The following PRKD1 variants were observed in gnomAD, a reference collection of about 807,000 sequenced individuals.
PRKD1 encodes the protein serine/threonine-protein kinase D1.
A neutral mutation model predicts 95.9 loss-of-function variants in PRKD1; 63 were observed. That is an observed-to-expected ratio of 0.66 (90% CI 0.54 to 0.81). PRKD1 has a LOEUF of 0.81. Among genes scored for constraint, PRKD1 ranks in the 30% least tolerant of loss-of-function variants. The pLI is 0.00. For synonymous variants in PRKD1, 425 were observed against 423.1 expected (o/e 1.00, Z -0.05); for missense variants, 1,048 against 1,165.3 (o/e 0.90, Z 1.47).
rs530557203 is a variant in PRKD1 at position 29,585,878 on chromosome 14, T to C, written c.2435-7518A>G. Among the ~76,000 whole-genome samples, 27 of 152,364 alleles carry C rather than the reference T, an allele frequency of 1.8e-4. No individual in the cohort carries two copies. The South Asian group carries it at 5.6e-3, about 32-fold the overall frequency. On this transcript the variant is annotated intron_variant, in intron 16 of 17. Transcript: ENST00000331968. ...TCAAGTGAAAATCCTTAGGAGAGGA[T>C]ATTGATATTTGTATCAATATTTGCA...
At chr14:29,700,527 T>C (rs923054049) in intron 2 of PRKD1, among the ~76,000 whole-genome samples, 1 of 152,244 alleles carries the variant, frequency 6.6e-6, no homozygotes, top group Admixed American at 6.5e-5. Flanking sequence ...AAAAGAAAGT[T>C]ACCTCTGGAG....
At chr14:29,715,739 C>T (rs571236639) in intron 2 of PRKD1, among the ~76,000 whole-genome samples, 34 of 152,206 alleles carry the variant, frequency 2.2e-4, no homozygotes, top group African/African-American at 7.5e-4. Flanking sequence ...ACTGTAATTG[C>T]CTAAAACATT....
chr14:29,802,244 T>C (rs1290924121), intron 1 of PRKD1, among the ~76,000 whole-genome samples: 5 of 152,140 alleles, frequency 3.3e-5, no homozygotes, highest in African/African-American at 4.8e-5. Context: ...TCCCAGCTTT[T>C]AAGAAATTTA....
At chr14:29,695,669 A>G (rs932230173) in intron 2 of PRKD1, among the ~76,000 whole-genome samples, 1 of 152,240 alleles carries the variant, frequency 6.6e-6, no homozygotes, top group Non-Finnish European at 1.5e-5. Context: ...CTTCCTAGAC[A>G]TTCCAAGTGG....
At chr14:29,653,871 A>G (rs1881669406) in intron 4 of PRKD1, among the ~76,000 whole-genome samples, 1 of 152,200 alleles carries the variant, frequency 6.6e-6, no homozygotes, top group Non-Finnish European at 1.5e-5. Context: ...ACAAATGGCC[A>G]ATTAATATAT....
intron 2 of PRKD1, 60 bp from the exon 3 acceptor site, chr14:29,666,268 AG>A: frequency 1.3e-6 from 2 of 1,507,842 alleles, no homozygotes; most frequent in African/African-American, 1.4e-5. Context: ...GTAAATAAAA[AG>A]TATGCAAGAT....
At chr14:29,833,194 A>G (rs1891481643) in intron 1 of PRKD1, among the ~76,000 whole-genome samples, 1 of 152,160 alleles carries the variant, frequency 6.6e-6, no homozygotes, top group Non-Finnish European at 1.5e-5. Flanking sequence ...AAGAATGTTT[A>G]TCCTGTCCCA....
chr14:29,690,872 T>C (rs796612781), intron 2 of PRKD1, among the ~76,000 whole-genome samples: 4 of 152,330 alleles, frequency 2.6e-5, no homozygotes, highest in African/African-American at 9.6e-5. Context: ...AGTTTTCAGC[T>C]TAAACTTCAT....
At chr14:29,637,694 G>C (rs544086563) in intron 6 of PRKD1, among the ~76,000 whole-genome samples, 3 of 152,216 alleles carry the variant, frequency 2.0e-5, no homozygotes, top group African/African-American at 7.2e-5. Context: ...TGTTTTCCTG[G>C]AGAGCTCTTC....
intron 2 of PRKD1, among the ~76,000 whole-genome samples, chr14:29,705,805 C>T (rs995820975): frequency 6.6e-6 from 1 of 152,092 alleles, no homozygotes; most frequent in African/African-American, 2.4e-5. Flanking sequence ...ATCTTTACTT[C>T]ATTTTTATAG....
chr14:29,808,425 GT>G (rs905394624), intron 1 of PRKD1, among the ~76,000 whole-genome samples: 1 of 56,692 alleles, frequency 1.8e-5, no homozygotes, highest in African/African-American at 6.8e-5. Flanking sequence ...TGAGATGGGA[GT>G]TTTGCTCTTG....
chr14:29,864,602 T>A (rs1892821694), intron 1 of PRKD1, among the ~76,000 whole-genome samples: 1 of 152,116 alleles, frequency 6.6e-6, no homozygotes, highest in African/African-American at 2.4e-5. Context: ...ATAGACATTC[T>A]AAATGTTCCC....
intron 4 of PRKD1, among the ~76,000 whole-genome samples, chr14:29,641,399 A>G (rs1880754735): frequency 2.0e-5 from 3 of 152,214 alleles, no homozygotes; most frequent in African/African-American, 7.2e-5. Context: ...ATATTTCTAA[A>G]TGAAAAAGTA....
At chr14:29,632,783 G>T in intron 9 of PRKD1, 86 bp downstream of exon 9, 3 of 1,221,066 alleles carry the variant, frequency 2.5e-6, no homozygotes, top group Non-Finnish European at 3.5e-6. Flanking sequence ...CACGTTTGTT[G>T]GATGTATTTC....
Position 29,749,412 on chromosome 14 carries a change from G to A in PRKD1, c.265-23738C>T, listed in dbSNP as rs1294375601. Among the ~76,000 whole-genome samples, 7 of 152,280 alleles carry A rather than the reference G, an allele frequency of 4.6e-5. No homozygotes were observed. The South Asian group carries it at 8.3e-4, about 18-fold the overall frequency. ...TATATGCCGGCTATGTCTGTAGTAT[G>A]TGTGTGTGCCTGTGCTGGGGACGGC... On this transcript the variant is annotated intron_variant, in intron 1 of 17. Transcript: ENST00000331968.
intron 2 of PRKD1, among the ~76,000 whole-genome samples, chr14:29,684,889 T>C (rs750953048): frequency 6.6e-6 from 1 of 152,240 alleles, no homozygotes; most frequent in Non-Finnish European, 1.5e-5. Flanking sequence ...AAGCTTATTT[T>C]AGATGGTTTT....
At chr14:29,793,793 T>C (rs1439748583) in intron 1 of PRKD1, among the ~76,000 whole-genome samples, 3 of 151,606 alleles carry the variant, frequency 2.0e-5, no homozygotes, top group Non-Finnish European at 2.9e-5. Context: ...GTTAATTAGA[T>C]TTTTTTTTCT....
At chr14:29,766,550 A>T (rs2139128231) in intron 1 of PRKD1, among the ~76,000 whole-genome samples, 1 of 152,354 alleles carries the variant, frequency 6.6e-6, no homozygotes, top group Middle Eastern at 3.4e-3. Context: ...TAATATGTTA[A>T]TCAATGCCAT....
At chr14:29,899,578 T>C (rs993086323) in intron 1 of PRKD1, among the ~76,000 whole-genome samples, 5 of 152,168 alleles carry the variant, frequency 3.3e-5, no homozygotes, top group Non-Finnish European at 5.9e-5. Flanking sequence ...ACCCAGGAGG[T>C]GGCGGTTGCA....
Sources: allele counts gnomAD v4.1 joint callset (sites outside exome capture counted in the v4.1 genomes callset), GRCh38; gene constraint gnomAD v4.1.1; transcripts MANE v1.5; gene names NCBI Gene and HGNC (gene_info 2026-07-23, HGNC 2026-07-21).